HS3ST5: variants seen among roughly 807,000 people sequenced by gnomAD.
HS3ST5 encodes the protein heparan sulfate glucosamine 3-O-sulfotransferase 5.
In HS3ST5, 10 loss-of-function variants were observed where a neutral mutation model predicts 25.4. The observed-to-expected ratio is 0.39, with a 90% CI of 0.24 to 0.67. The LOEUF (loss-of-function observed/expected upper bound fraction) is 0.67. Ranked by LOEUF, HS3ST5 falls within the 30% of genes least tolerant of loss-of-function variation. HS3ST5 has a pLI of 0.44. For missense variants in HS3ST5, 324 were observed against 420.7 expected (o/e 0.77, Z 2.01); for synonymous variants, 170 against 162.4 (o/e 1.05, Z -0.36).
chr6:114,190,015 T>C (rs569231751), intron 2 of HS3ST5, among the ~76,000 whole-genome samples: 254 of 152,316 alleles, frequency 1.7e-3, no homozygotes, highest in African/African-American at 6.0e-3. Context: ...TTGCCAGGAT[T>C]CTCTAAGTCC....
At chr6:114,305,210 A>C (rs1775238778) in intron 1 of HS3ST5, among the ~76,000 whole-genome samples, 1 of 152,158 alleles carries the variant, frequency 6.6e-6, no homozygotes, top group Admixed American at 6.6e-5. Context: ...AATCATATTC[A>C]TTAATATCAC....
At chr6:114,124,225 T>C (rs887733221) in intron 3 of HS3ST5, among the ~76,000 whole-genome samples, 1 of 152,154 alleles carries the variant, frequency 6.6e-6, no homozygotes, top group Non-Finnish European at 1.5e-5. Context: ...GATGTTGCAC[T>C]AAATGACTGG....
At chr6:114,216,233 T>C (rs1263656153) in intron 2 of HS3ST5, among the ~76,000 whole-genome samples, 2 of 152,244 alleles carry the variant, frequency 1.3e-5, no homozygotes, top group African/African-American at 4.8e-5. Flanking sequence ...ATGCACTGGC[T>C]AGACCCTGGA....
intron 1 of HS3ST5, among the ~76,000 whole-genome samples, chr6:114,260,768 G>A (rs1402228282): frequency 6.6e-6 from 1 of 152,230 alleles, no homozygotes; most frequent in Non-Finnish European, 1.5e-5. Context: ...CACCTGCAAA[G>A]GGACAGAGTT....
At chr6:114,103,428 A>T (rs1775828540) in intron 3 of HS3ST5, among the ~76,000 whole-genome samples, 1 of 152,150 alleles carries the variant, frequency 6.6e-6, no homozygotes, top group Non-Finnish European at 1.5e-5. Context: ...GGGAAAAATG[A>T]GTTGATTTAA....
At chr6:114,144,319 C>T (rs1355110113) in intron 3 of HS3ST5, among the ~76,000 whole-genome samples, 7 of 152,118 alleles carry the variant, frequency 4.6e-5, no homozygotes, top group East Asian at 3.9e-4. Flanking sequence ...ATACATTTAG[C>T]GAAGAGTTCA....
intron 1 of HS3ST5, among the ~76,000 whole-genome samples, chr6:114,265,144 C>A (rs1235354957): frequency 6.6e-6 from 1 of 152,110 alleles, no homozygotes; most frequent in Non-Finnish European, 1.5e-5. Context: ...CTCAGCCTCC[C>A]AAAGTGCTGG....
At chr6:114,190,521 TTGGAAGG>T (rs1202737345) in intron 2 of HS3ST5, among the ~76,000 whole-genome samples, 3 of 152,044 alleles carry the variant, frequency 2.0e-5, no homozygotes, top group African/African-American at 7.2e-5. Flanking sequence ...TCACTGGGGG[TTGGAAGG>T]TAGTTAAGGC....
At chr6:114,182,599 T>A (rs1425713643) in intron 2 of HS3ST5, among the ~76,000 whole-genome samples, 4 of 152,186 alleles carry the variant, frequency 2.6e-5, no homozygotes, top group Admixed American at 1.3e-4. Flanking sequence ...TTCTAGGTGG[T>A]TATTCCTGCA....
At position 114,056,610 on chromosome 6, in the gene HS3ST5, C is replaced by T. The variant is rs1396247287; in HGVS notation, c.*647G>A. On this transcript the variant is annotated 3_prime_UTR_variant, in exon 5 of 5. Transcript: ENST00000312719. ...TATACATTATGTACATGACATTTCT[C>T]TCTGTTGACATACAACATGGAAGTA... 1 of 152,148 alleles carries T rather than the reference C, an allele frequency of 6.6e-6. No homozygotes were observed. The highest frequency in any genetic ancestry group is 1.5e-5 in the Non-Finnish European group (1 of 68,050). 9.4% of individuals were successfully genotyped at this position (152,148 alleles called of 1,614,324 possible).
intron 1 of HS3ST5, among the ~76,000 whole-genome samples, chr6:114,247,720 G>C (rs1006686419): frequency 5.3e-5 from 8 of 151,254 alleles, no homozygotes; most frequent in Non-Finnish European, 4.4e-5. Flanking sequence ...GAGCATTGCT[G>C]CATCTCATAT....
rs933836767 is a variant in HS3ST5 at position 114,056,064 on chromosome 6, CAG to C, written c.*1191_*1192del. The stretch of plus-strand genomic sequence containing the variant: ...TTTGAAGCATCAGCAGCTTTCAGTA[CAG>C]AGTTTTCTAATCTTATTTAATTTCT... On this transcript the variant is annotated 3_prime_UTR_variant, in exon 5 of 5. Transcript: ENST00000312719. The C allele has an allele frequency of 1.3e-4, 20 of 152,294 alleles. 1 individual carries two copies. Among genetic ancestry groups the C allele is most frequent in the African/African-American group, 4.6e-4 (19 of 41,562 alleles). The allele number at this position is 152,294 out of a possible 1,614,324, so 9.4% of individuals were successfully genotyped here. A position where few individuals can be genotyped will look rare whatever the true frequency, so the allele number is the denominator to read the frequency against.
chr6:114,251,997 G>A (rs186455596), intron 1 of HS3ST5: 6 of 152,076 alleles, frequency 3.9e-5, no homozygotes, highest in African/African-American at 1.4e-4. Flanking sequence ...CACCTAGGAG[G>A]GTACCTCACA....
chr6:114,312,116 C>T (rs942815718), intron 1 of HS3ST5, among the ~76,000 whole-genome samples: 14 of 152,156 alleles, frequency 9.2e-5, no homozygotes, highest in African/African-American at 2.2e-4. Context: ...TAGACTAATA[C>T]TAAATTCTCC....
intron 2 of HS3ST5, among the ~76,000 whole-genome samples, chr6:114,204,189 A>G (rs1781160278): frequency 6.6e-6 from 1 of 152,166 alleles, no homozygotes; most frequent in Non-Finnish European, 1.5e-5. Context: ...GGAAGGGAAA[A>G]ATAACAATTG....
chr6:114,302,342 G>A (rs1775112800), intron 1 of HS3ST5, among the ~76,000 whole-genome samples: 1 of 152,132 alleles, frequency 6.6e-6, no homozygotes, highest in Admixed American at 6.6e-5. Flanking sequence ...CTAGAATATG[G>A]CAGTAGACAT....
intron 1 of HS3ST5, among the ~76,000 whole-genome samples, chr6:114,244,467 T>A (rs1023628984): frequency 1.4e-4 from 22 of 152,342 alleles, no homozygotes; most frequent in Non-Finnish European, 2.1e-4. Context: ...ATGTATTTCA[T>A]AGGTTCTTCT....
At chr6:114,301,193 G>T (rs1463138260) in intron 1 of HS3ST5, among the ~76,000 whole-genome samples, 1 of 152,138 alleles carries the variant, frequency 6.6e-6, no homozygotes, top group Non-Finnish European at 1.5e-5. Flanking sequence ...CAGTAAAGCT[G>T]TTTAAAAAAT....
Position 114,236,685 on chromosome 6 carries a change from A to G in HS3ST5, c.-338-7907T>C, listed in dbSNP as rs532218825. On this transcript the variant is annotated intron_variant, in intron 1 of 4. Transcript: ENST00000312719. ...AAAATACTTCTAGTCTTTATCTACT[A>G]TCGTTTTCATTTATTTCTGGTACCA... Among the ~76,000 whole-genome samples the G allele has an allele frequency of 2.0e-5, 3 of 152,294 alleles. No individual in the cohort carries two copies. The South Asian group carries it at 6.2e-4, about 32-fold the overall frequency.
Sources: allele counts gnomAD v4.1 joint callset (sites outside exome capture counted in the v4.1 genomes callset), GRCh38; gene constraint gnomAD v4.1.1; transcripts MANE v1.5; gene names NCBI Gene and HGNC (gene_info 2026-07-23, HGNC 2026-07-21).